Variants in TBC1D4 observed in about 807,000 individuals in gnomAD.
TBC1D4 encodes the protein TBC (Tre-2, BUB2, CDC16) domain-containing protein.
Under a neutral mutation model 142.5 loss-of-function variants are expected in TBC1D4, and 121 were observed. The observed-to-expected ratio is 0.85, with a 90% confidence interval of 0.73 to 0.99. The LOEUF (loss-of-function observed/expected upper bound fraction) is 0.99. Ranked by LOEUF, TBC1D4 falls within the 50% of genes least tolerant of loss-of-function variation. The probability of loss-of-function intolerance (pLI) is 0.00; values close to 1 mark genes in which losing one functional copy is unlikely to be tolerated. For missense variants in TBC1D4, 1,475 were observed against 1,606.6 expected (o/e 0.92, Z 1.40); for synonymous variants, 630 against 628.2 (o/e 1.00, Z -0.04).
intron 4 of TBC1D4, among the ~76,000 whole-genome samples, chr13:75,351,409 CT>C (rs1215612097): frequency 9.3e-5 from 14 of 150,758 alleles, no homozygotes; most frequent in African/African-American, 9.7e-5. Context: ...TTGTAAAAAT[CT>C]TTTTTTTTAA....
At chr13:75,388,923 G>C (rs1884324743) in intron 1 of TBC1D4, among the ~76,000 whole-genome samples, 1 of 152,164 alleles carries the variant, frequency 6.6e-6, no homozygotes, top group African/African-American at 2.4e-5. Context: ...CAGCTCTCCA[G>C]TTTATTGGTT....
chr13:75,311,672 G>A (rs1479381236), intron 13 of TBC1D4, among the ~76,000 whole-genome samples: 1 of 152,078 alleles, frequency 6.6e-6, no homozygotes, highest in Non-Finnish European at 1.5e-5. Flanking sequence ...GCTTCTAAGA[G>A]TAGTTTTCTA....
At chr13:75,395,449 G>A (rs1489139311) in intron 1 of TBC1D4, among the ~76,000 whole-genome samples, 1 of 152,124 alleles carries the variant, frequency 6.6e-6, no homozygotes, top group Non-Finnish European at 1.5e-5. Context: ...TACAATCAAA[G>A]GCTATTTATA....
At position 75,299,461 on chromosome 13, in the gene TBC1D4, G is replaced by A; in HGVS notation, c.3025C>T (p.Gln1009Ter). Residue 1009 changes from glutamine to a stop codon, truncating the protein, a stop_gained, in exon 17 of 21, where the codon CAG (glutamine) becomes TAG (stop). Transcript: ENST00000377636. LOFTEE classifies it high-confidence loss of function. ...SLLDKEVGYC[Q>*]GISFVAGVLL... is the part of the protein sequence containing the mutation. ...ACTCCAGCCACAAAGCTGATCCCCT[G>A]ACAGTATCCCACTTCTTTGTCCAGC... 6.2e-7 allele frequency: 1 copy of A among 1,614,136 alleles called. No individual in the cohort carries two copies. The highest frequency in any genetic ancestry group is 1.1e-5 in the South Asian group (1 of 91,062).
At chr13:75,397,869 C>T (rs985385906) in intron 1 of TBC1D4, among the ~76,000 whole-genome samples, 2 of 152,224 alleles carry the variant, frequency 1.3e-5, no homozygotes, top group Admixed American at 6.5e-5. Flanking sequence ...GGTTAGGTGG[C>T]TGCTTTGATT....
chr13:75,383,671 A>C (rs561895160), intron 1 of TBC1D4, among the ~76,000 whole-genome samples: 17 of 152,130 alleles, frequency 1.1e-4, no homozygotes, highest in Non-Finnish European at 2.1e-4. Context: ...TGGGCCTATT[A>C]AACTTTACCA....
Position 75,384,885 on chromosome 13 carries a change from A to T in TBC1D4, c.499-22278T>A, listed in dbSNP as rs1282418816. 3.8e-3 allele frequency among the ~76,000 whole-genome samples: 17 copies of T among 4,522 alleles called. No individual in the cohort carries two copies. The Non-Finnish European group carries it at 0.054, about 14-fold the overall frequency. 3.0% of individuals were successfully genotyped at this position (4,522 alleles called of 152,430 possible). A position where few individuals can be genotyped will look rare whatever the true frequency, so the allele number is the denominator to read the frequency against. On this transcript the variant is annotated intron_variant, in intron 1 of 20. Coordinates refer to ENST00000377636, the MANE Select transcript of TBC1D4 (RefSeq NM_014832.5). ...TTATTAAATATTCTTAAAAATTTTT[A>T]AATTTTATTGCCTTATAAATATTGG...
chr13:75,340,145 T>TG (rs1880560899), intron 7 of TBC1D4, among the ~76,000 whole-genome samples: 2 of 152,136 alleles, frequency 1.3e-5, no homozygotes, highest in South Asian at 4.1e-4. Context: ...CAGGTTTTTT[T>TG]GTCACCTTTT....
chr13:75,286,899 G>A lies in TBC1D4; in HGVS notation c.3790C>T (p.Gln1264Ter). ...EKMAYQKTVEQLRKLLPADAL... is the reference protein window; with the variant it reads ...EKMAYQKTVE The stretch of plus-strand genomic sequence containing the variant: ...TCCGCGGGCAGCAGCTTCCGGAGTT[G>A]CTCCACTGTCTTTTGATAAGCCATT... Residue 1264 changes from glutamine (Q) to a stop codon, truncating the protein, a stop_gained, in exon 21 of 21, where the codon CAA becomes TAA. Coordinates refer to ENST00000377636, the MANE Select transcript of TBC1D4 (RefSeq NM_014832.5). LOFTEE classifies it high-confidence loss of function. 3 of 1,613,962 alleles carry A rather than the reference G, an allele frequency of 1.9e-6. No homozygotes were observed. Among genetic ancestry groups the A allele is most frequent in the Non-Finnish European group, 2.5e-6 (3 of 1,179,976 alleles).
intron 12 of TBC1D4, among the ~76,000 whole-genome samples, chr13:75,317,034 G>T (rs1262222900): frequency 6.6e-6 from 1 of 152,092 alleles, no homozygotes; most frequent in Non-Finnish European, 1.5e-5. Context: ...ACCTTGCAAG[G>T]TAGATGTCAT....
At chr13:75,359,264 T>C (rs1284640975) in intron 3 of TBC1D4, among the ~76,000 whole-genome samples, 2 of 152,312 alleles carry the variant, frequency 1.3e-5, no homozygotes, top group African/African-American at 4.8e-5. Flanking sequence ...AAAAAACATT[T>C]AAATACACAG....
intron 18 of TBC1D4, 140 bp downstream of exon 18, chr13:75,294,714 G>T (rs764781167): frequency 2.3e-6 from 2 of 866,736 alleles, no homozygotes; most frequent in Non-Finnish European, 3.5e-6. Context: ...ACACAGCCAG[G>T]CACATTTATT....
rs764167297 is a variant in TBC1D4, at chr13:75,349,188, G to C, written c.1390C>G (p.Leu464Val). Residue 464 changes from leucine to valine, a missense_variant, in exon 5 of 21, where the codon CTC (leucine) becomes GTC (valine). This residue lies in a region of TBC1D4 where 1,227 missense variants were observed against 1,267.7 expected (regional missense o/e 0.97). Transcript: ENST00000377636. ...ACTGTACCTTCAATCCTTTCACAGA[G>C]CTTATGCAAAGAGTGCATCGGGCAG... ...EACPMHSLHK[L>V]CERIEGLYPP... The C allele has an allele frequency of 1.9e-6, 3 of 1,614,046 alleles. No homozygotes were observed. In the South Asian group the frequency reaches 3.3e-5, roughly 18 times the overall value.
intron 2 of TBC1D4, among the ~76,000 whole-genome samples, chr13:75,360,539 A>AT (rs71127536): frequency 2.7e-4 from 22 of 82,726 alleles, no homozygotes; most frequent in East Asian, 1.1e-3. Context: ...CTGTCTCTTA[A>AT]TTTTTTTTTT....
At chr13:75,445,902 C>T (rs569986946) in intron 1 of TBC1D4, among the ~76,000 whole-genome samples, 302 of 152,248 alleles carry the variant, frequency 2.0e-3, no homozygotes, top group African/African-American at 6.8e-3. Context: ...AAAGTTATTT[C>T]GGATAATTTT....
rs114432107 is a variant in TBC1D4, at chr13:75,379,447, T to C, written c.499-16840A>G. On this transcript the variant is annotated intron_variant, in intron 1 of 20. Transcript: ENST00000377636. ...CAAAGAATATGACAGCAGGAAAATA[T>C]ATATTTTGTTCACCACTAAATACCC... Among the ~76,000 whole-genome samples the C allele has an allele frequency of 3.7e-3, 557 of 152,292 alleles. 7 individuals carry two copies. Among genetic ancestry groups the C allele is most frequent in the African/African-American group, 0.013 (538 of 41,584 alleles).
chr13:75,365,803 G>A (rs1882875370), intron 1 of TBC1D4, among the ~76,000 whole-genome samples: 1 of 152,142 alleles, frequency 6.6e-6, no homozygotes, highest in Non-Finnish European at 1.5e-5. Flanking sequence ...TGGCCACTAG[G>A]AAAATGGTCT....
At chr13:75,302,632 AC>A in intron 15 of TBC1D4, 1 of 583,262 alleles carries the variant, frequency 1.7e-6, no homozygotes, top group East Asian at 2.9e-5. Flanking sequence ...GACAATATTA[AC>A]AATAACATCA....
At chr13:75,467,676 T>C (rs1888221563) in intron 1 of TBC1D4, among the ~76,000 whole-genome samples, 1 of 152,198 alleles carries the variant, frequency 6.6e-6, no homozygotes, top group African/African-American at 2.4e-5. Context: ...AATAAAGTTA[T>C]CTTTCCTTGT....
Sources: gnomAD v4.1 joint callset for allele counts (sites outside exome capture counted in the v4.1 genomes callset) on GRCh38, gnomAD v4.1.1 for gene constraint, gnomAD v4.1.1 regional missense constraint, MANE v1.5 for transcripts, NCBI Gene and HGNC (gene_info 2026-07-23, HGNC 2026-07-21) for gene names.